The following TLCD4 variants were observed in gnomAD, a reference collection of about 807,000 sequenced individuals.
The protein encoded by TLCD4 is TLC domain containing 4.
In TLCD4, 7 loss-of-function variants were observed where a neutral mutation model predicts 24.2. The ratio of observed to expected loss-of-function variants is 0.29; its 90% confidence interval spans 0.16 to 0.54. TLCD4 has a LOEUF of 0.54. Ranked by LOEUF, TLCD4 falls within the 20% of genes least tolerant of loss-of-function variation. The probability of loss-of-function intolerance (pLI) is 0.95; values close to 1 mark genes in which losing one functional copy is unlikely to be tolerated. For missense variants in TLCD4, 259 were observed against 313.9 expected, an observed-to-expected ratio of 0.82 and a Z score of 1.32; for synonymous variants, 103 against 106.4, an observed-to-expected ratio of 0.97 and a Z score of 0.20.
chr1:95,104,663 C>CAAAAAAAAAAAAAAAAAAAAAA, the TLCD4 span, among the ~76,000 whole-genome samples: 1,494 of 40,436 alleles, frequency 0.037, 276 homozygotes, highest in Non-Finnish European at 0.059. Flanking sequence ...GACTCCGTCT[C>CAAAAAAAAAAAAAAAAAAAAAA]AAAAAAAAAA....
At chr1:95,156,268 G>A (rs1677633710) in intron 5 of TLCD4, among the ~76,000 whole-genome samples, 1 of 152,154 alleles carries the variant, frequency 6.6e-6, no homozygotes, top group Non-Finnish European at 1.5e-5. Context: ...GGAAAAAAAA[G>A]TAGGGAAGGC....
intron 6 of TLCD4, among the ~76,000 whole-genome samples, chr1:95,175,698 G>A (rs1012233138): frequency 1.3e-5 from 2 of 151,968 alleles, no homozygotes; most frequent in Admixed American, 1.3e-4. Context: ...AACACTTGCT[G>A]TTTTCTGTTC....
chr1:95,167,031 A>G (rs1393712099), intron 5 of TLCD4, among the ~76,000 whole-genome samples: 1 of 152,034 alleles, frequency 6.6e-6, no homozygotes, highest in African/African-American at 2.4e-5. Flanking sequence ...CACTGTACCT[A>G]GTTCTTTTTC....
the TLCD4 span, among the ~76,000 whole-genome samples, chr1:95,094,361 C>A: frequency 6.6e-6 from 1 of 150,448 alleles, no homozygotes; most frequent in Admixed American, 6.6e-5. Flanking sequence ...TCTTTAACTT[C>A]TGGGCTCAAG....
At chr1:95,140,932 T>TG (rs1180189313) in intron 1 of TLCD4, among the ~76,000 whole-genome samples, 1 of 152,222 alleles carries the variant, frequency 6.6e-6, no homozygotes, top group Non-Finnish European at 1.5e-5. Flanking sequence ...CTTGGTTTTC[T>TG]GGGGAAATTT....
intron 3 of TLCD4, 127 bp downstream of exon 3, chr1:95,148,918 C>T (rs1677420742): frequency 1.7e-5 from 21 of 1,234,520 alleles, no homozygotes; most frequent in Non-Finnish European, 2.3e-5. Context: ...AATGCTTGTG[C>T]TCAGACATTC....
chr1:95,138,998 G>A (rs1677121716), intron 1 of TLCD4, among the ~76,000 whole-genome samples: 2 of 145,832 alleles, frequency 1.4e-5, no homozygotes, highest in Non-Finnish European at 3.0e-5. Flanking sequence ...GACCATCCTG[G>A]GCAACATAGT....
chr1:95,097,153 T>C, the TLCD4 span, among the ~76,000 whole-genome samples: 1 of 152,238 alleles, frequency 6.6e-6, no homozygotes, highest in Non-Finnish European at 1.5e-5. Flanking sequence ...AATACCTTTA[T>C]ATACTTTGTA....
chr1:95,128,691 C>T (rs996961187), intron 1 of TLCD4, among the ~76,000 whole-genome samples: 1 of 151,992 alleles, frequency 6.6e-6, no homozygotes, highest in East Asian at 1.9e-4. Flanking sequence ...CTTTTGCTCC[C>T]GCAAAACAAA....
the TLCD4 span, among the ~76,000 whole-genome samples, chr1:95,096,385 A>G: frequency 1.3e-5 from 2 of 152,134 alleles, no homozygotes; most frequent in African/African-American, 2.4e-5. Context: ...AGCCTGACCT[A>G]TTTACTGTAT....
the TLCD4 span, among the ~76,000 whole-genome samples, chr1:95,097,782 A>G: frequency 2.6e-5 from 4 of 152,234 alleles, no homozygotes; most frequent in African/African-American, 9.6e-5. Context: ...CCGTAGGGAC[A>G]CAAGAAATAG....
intron 1 of TLCD4, among the ~76,000 whole-genome samples, chr1:95,128,515 A>G (rs908226521): frequency 1.5e-4 from 23 of 152,166 alleles, no homozygotes; most frequent in Admixed American, 1.3e-4. Context: ...AATGGAAGGG[A>G]GAACTAGTTA....
At chr1:95,097,022 TTC>T in the TLCD4 span, among the ~76,000 whole-genome samples, 11 of 152,350 alleles carry the variant, frequency 7.2e-5, no homozygotes, top group South Asian at 2.3e-3. Flanking sequence ...TTCTCATCTC[TTC>T]TGTCTTGTCC....
intron 2 of TLCD4, among the ~76,000 whole-genome samples, chr1:95,146,010 G>C (rs1317790283): frequency 6.6e-6 from 1 of 152,140 alleles, no homozygotes. Context: ...GTGCAAAGTA[G>C]GACAAGGAGG....
rs770297468 is a variant in TLCD4, at chr1:95,191,824, C to G, written c.748C>G (p.Gln250Glu). The G allele has an allele frequency of 1.1e-5, 18 of 1,613,916 alleles. No homozygotes were observed. The African/African-American group carries it at 2.3e-4, about 20-fold the overall frequency. The change falls in exon 7 of 7, where the codon CAA becomes GAA. Residue 250 changes from glutamine (Q) to glutamate (E), a missense_variant. Transcript: ENST00000370203. ...CATCAAAGTCATCTCTCACATCAGACAAGAGAAAGCCAAAAATAGTCTTCA... is the reference window on the plus strand; with the variant it reads ...CATCAAAGTCATCTCTCACATCAGAGAAGAGAAAGCCAAAAATAGTCTTCA... ...GCIKVISHIR[Q>E]EKAKNSLQNG...
chr1:95,188,205 G>C (rs1304150482), intron 6 of TLCD4, among the ~76,000 whole-genome samples: 1 of 151,980 alleles, frequency 6.6e-6, no homozygotes, highest in East Asian at 1.9e-4. Context: ...GGCTAACACG[G>C]TGAAACCCCG....
chr1:95,109,984 A>T, the TLCD4 span, among the ~76,000 whole-genome samples: 1 of 137,312 alleles, frequency 7.3e-6, no homozygotes, highest in Non-Finnish European at 1.5e-5. Context: ...ATTTTGGTAA[A>T]TTAATTTTTT....
At chr1:95,168,553 GCTTTTT>G (rs1557692277) in intron 5 of TLCD4, among the ~76,000 whole-genome samples, 2 of 104,026 alleles carry the variant, frequency 1.9e-5, no homozygotes, top group South Asian at 3.5e-4. Flanking sequence ...ATGTGAGTGA[GCTTTTT>G]TTTTTTTTTT....
chr1:95,170,242 A>T (rs1431237450), intron 5 of TLCD4, among the ~76,000 whole-genome samples: 1 of 152,176 alleles, frequency 6.6e-6, no homozygotes, highest in Admixed American at 6.5e-5. Flanking sequence ...TTAAGGAATA[A>T]AAAGTTCACC....
Sources: gnomAD v4.1 joint callset for allele counts (sites outside exome capture counted in the v4.1 genomes callset) on GRCh38, gnomAD v4.1.1 for gene constraint, MANE v1.5 for transcripts, NCBI Gene and HGNC (gene_info 2026-07-23, HGNC 2026-07-21) for gene names.